MYO5B: variants seen among roughly 807,000 people sequenced by gnomAD.
The protein encoded by MYO5B is myosin VB, also known as unconventional myosin-Vb.
In MYO5B, 143 loss-of-function variants were observed where a neutral mutation model predicts 229.3. That is an observed-to-expected ratio of 0.62 (90% CI 0.54 to 0.72). MYO5B has a LOEUF of 0.72. Among genes scored for constraint, MYO5B ranks in the 30% least tolerant of loss-of-function variants. The pLI, the probability that MYO5B is intolerant of heterozygous loss-of-function variation, is 0.00. For synonymous variants in MYO5B, 918 were observed against 885.2 expected (o/e 1.04, Z -0.66); for missense variants, 2,321 against 2,331.0 (o/e 1.00, Z 0.09).
chr18:49,920,760 G>A lies in MYO5B; in HGVS notation c.2091-8587C>T, dbSNP rs942699410. On this transcript the variant is annotated intron_variant, in intron 17 of 39. Transcript: ENST00000285039. ...CAGGATGCATTTTTAAATCACCTGG[G>A]GAAACTTGTCAAAATGCAGATGTTC... 2.0e-5 allele frequency among the ~76,000 whole-genome samples: 3 copies of A among 152,162 alleles called. No homozygotes were observed. In the East Asian group the frequency reaches 5.8e-4, roughly 29 times the overall value.
At chr18:49,838,026 C>T (rs1473310137) in intron 36 of MYO5B, among the ~76,000 whole-genome samples, 1 of 152,176 alleles carries the variant, frequency 6.6e-6, no homozygotes, top group Non-Finnish European at 1.5e-5. Context: ...AATTTACTGG[C>T]AATTAGACAA....
Position 49,953,894 on chromosome 18 carries a change from ATGTGTGTG to A in MYO5B, c.1668+411_1668+418del, listed in dbSNP as rs71169463. ...TGCTTTAGAATTTATATATACATAT[ATGTGTGTG>A]TGTGTGTGTGTGTGTGTGTGTGTGT... On this transcript the variant is annotated intron_variant, in intron 13 of 39. Coordinates refer to ENST00000285039, the MANE Select transcript of MYO5B (RefSeq NM_001080467.3). 6.8e-3 allele frequency among the ~76,000 whole-genome samples: 739 copies of A among 108,512 alleles called. 14 individuals carry two copies. Among genetic ancestry groups the A allele is most frequent in the African/African-American group, 0.018 (590 of 33,280 alleles). The allele number at this position is 108,512 out of a possible 152,430, so 71.2% of individuals were successfully genotyped here.
intron 31 of MYO5B, among the ~76,000 whole-genome samples, chr18:49,852,888 T>C (rs2024218022): frequency 6.6e-6 from 1 of 152,218 alleles, no homozygotes; most frequent in Admixed American, 6.5e-5. Flanking sequence ...CTACTTTCTC[T>C]TCTTTATTAC....
At chr18:50,048,348 A>G (rs2030295656) in intron 2 of MYO5B, among the ~76,000 whole-genome samples, 1 of 152,208 alleles carries the variant, frequency 6.6e-6, no homozygotes, top group African/African-American at 2.4e-5. Context: ...TTAAGTTATG[A>G]GGAAGTAGCA....
chr18:49,903,270 TG>T (rs915184042), intron 20 of MYO5B, among the ~76,000 whole-genome samples: 2 of 151,880 alleles, frequency 1.3e-5, no homozygotes, highest in African/African-American at 4.8e-5. Context: ...TGTAATTCAC[TG>T]TTTTTTTTTT....
chr18:50,124,090 T>C (rs968467418), intron 1 of MYO5B, among the ~76,000 whole-genome samples: 14 of 152,168 alleles, frequency 9.2e-5, no homozygotes, highest in Non-Finnish European at 1.8e-4. Flanking sequence ...TAAATTCTCA[T>C]CTAAAAATTC....
At chr18:49,934,050 A>T (rs949437842) in intron 16 of MYO5B, among the ~76,000 whole-genome samples, 1 of 151,944 alleles carries the variant, frequency 6.6e-6, no homozygotes, top group Admixed American at 6.6e-5. Context: ...TAATTTTAAA[A>T]TTTTTTGTAG....
Position 50,179,111 on chromosome 18 carries a change from G to A in MYO5B, c.27+15656C>T, listed in dbSNP as rs549941832. Among the ~76,000 whole-genome samples the A allele has an allele frequency of 3.3e-5, 5 of 152,012 alleles. No individual in the cohort carries two copies. In the South Asian group the frequency reaches 1.0e-3, roughly 32 times the overall value. ...GCCGATAGCCCAGCATTATTTTTAG[G>A]GGGTGACAGCAGGTTAAAGCTCTTC... is the stretch of plus-strand genomic sequence containing the variant. On this transcript the variant is annotated intron_variant, in intron 1 of 39. Transcript: ENST00000285039.
intron 2 of MYO5B, among the ~76,000 whole-genome samples, chr18:50,045,178 A>G (rs960449544): frequency 6.6e-6 from 1 of 152,150 alleles, no homozygotes; most frequent in Non-Finnish European, 1.5e-5. Flanking sequence ...GTACCCTGGA[A>G]TATTTAGGGA....
rs535348519 is a variant in MYO5B at position 49,930,256 on chromosome 18, G to C, written c.2004-658C>G. Among the ~76,000 whole-genome samples, 5 of 152,234 alleles carry C rather than the reference G, an allele frequency of 3.3e-5. No individual in the cohort carries two copies. The South Asian group carries it at 1.0e-3, about 31-fold the overall frequency. On this transcript the variant is annotated intron_variant, in intron 16 of 39. Transcript: ENST00000285039. ...GCACTGCGTAGGGCACATACGTTGT[G>C]TATGCTGTTAGCTATGATCACAACA...
chr18:49,867,888 G>A (rs1049602195), intron 27 of MYO5B, among the ~76,000 whole-genome samples: 2 of 152,182 alleles, frequency 1.3e-5, no homozygotes, highest in Admixed American at 1.3e-4. Context: ...TTAAAATTAT[G>A]AGGAATTTTA....
intron 1 of MYO5B, among the ~76,000 whole-genome samples, chr18:50,157,002 C>T (rs111909953): frequency 0.022 from 3,372 of 152,310 alleles, 120 homozygotes; most frequent in African/African-American, 0.077. Context: ...CCCAGGTCAT[C>T]CTTCAAAACA....
chr18:49,980,347 C>G (rs1191294141), intron 9 of MYO5B, 97 bp downstream of exon 9: 18 of 890,260 alleles, frequency 2.0e-5, no homozygotes, highest in Non-Finnish European at 3.2e-5. Context: ...AATAAATAAC[C>G]TATGAGTGTC....
chr18:49,973,161 T>G (rs987946473), intron 10 of MYO5B, among the ~76,000 whole-genome samples: 1 of 152,176 alleles, frequency 6.6e-6, no homozygotes, highest in African/African-American at 2.4e-5. Flanking sequence ...TTATGTCACT[T>G]AACTCGTGCA....
chr18:49,845,506 A>C (rs962849982), intron 33 of MYO5B, among the ~76,000 whole-genome samples: 1 of 152,240 alleles, frequency 6.6e-6, no homozygotes, highest in African/African-American at 2.4e-5. Flanking sequence ...ATATTCCTGC[A>C]AAAGCTACCA....
intron 1 of MYO5B, among the ~76,000 whole-genome samples, chr18:50,092,829 T>C (rs1298525633): frequency 6.6e-6 from 1 of 152,208 alleles, no homozygotes; most frequent in African/African-American, 2.4e-5. Flanking sequence ...TGAATAAATG[T>C]CAAGAGTGTT....
At position 49,856,841 on chromosome 18, in the gene MYO5B, C is replaced by T; in HGVS notation, c.3994G>A (p.Ala1332Thr). Residue 1332 changes from alanine (A) to threonine (T), a missense_variant, in exon 30 of 40, where the codon GCC becomes ACC. By Grantham distance (58) the Ala-to-Thr change is moderately conservative (BLOSUM62 0). Transcript: ENST00000285039. ...YLNEDGELGL[A>T]YQGLKQVARL... is the part of the protein sequence containing the mutation. The stretch of plus-strand genomic sequence containing the variant: ...GCAACTTGCTTTAGGCCTTGGTAGG[C>T]CAAGCCGAGTTCTCCATCTTCATTT... 6.2e-7 allele frequency: 1 copy of T among 1,614,188 alleles called. No individual in the cohort carries two copies. The highest frequency in any genetic ancestry group is 8.5e-7 in the Non-Finnish European group (1 of 1,180,004).
chr18:49,881,540 C>A lies in MYO5B; in HGVS notation c.3046-1085G>T, dbSNP rs562838475. On this transcript the variant is annotated intron_variant, in intron 22 of 39. Transcript: ENST00000285039. Reference sequence around the variant, plus strand: ...TGAAGAGGCCAGGCGCAGTGGCTCACACCTGTAATCCCAGCACTTTGGGAG... The same window carrying A: ...TGAAGAGGCCAGGCGCAGTGGCTCAAACCTGTAATCCCAGCACTTTGGGAG... Among the ~76,000 whole-genome samples the A allele has an allele frequency of 8.5e-5, 13 of 152,326 alleles. No individual in the cohort carries two copies. The East Asian group carries it at 1.9e-3, about 23-fold the overall frequency.
rs1478866667 is a variant in MYO5B at position 49,929,616 on chromosome 18, A to T, written c.2004-18T>A. On this transcript the variant is annotated intron_variant, in intron 16 of 39. Coordinates refer to ENST00000285039, the MANE Select transcript of MYO5B (RefSeq NM_001080467.3). ...GGTCAAAGCTGCCAAAGGAGAAAAAAAAAAAAAAAAGCAAGACAAGAGATG... is the reference window on the plus strand; with the variant it reads ...GGTCAAAGCTGCCAAAGGAGAAAAATAAAAAAAAAAGCAAGACAAGAGATG... 1 of 1,582,340 alleles carries T rather than the reference A, an allele frequency of 6.3e-7. No individual in the cohort carries two copies. The highest frequency in any genetic ancestry group is 1.1e-5 in the South Asian group (1 of 87,894).
Sources: gnomAD v4.1 joint callset for allele counts (sites outside exome capture counted in the v4.1 genomes callset) on GRCh38, gnomAD v4.1.1 for gene constraint, MANE v1.5 for transcripts, NCBI Gene and HGNC (gene_info 2026-07-23, HGNC 2026-07-21) for gene names.